NFIB: variants seen among roughly 807,000 people sequenced by gnomAD.
NFIB encodes the protein nuclear factor I B.
A neutral mutation model predicts 61.5 loss-of-function variants in NFIB; 11 were observed. That is an observed-to-expected ratio of 0.18 (90% confidence interval 0.11 to 0.30). NFIB has a LOEUF of 0.30. Ranked by LOEUF, NFIB falls within the 10% of genes least tolerant of loss-of-function variation. NFIB has a pLI of 1.00. For missense variants in NFIB, 471 were observed against 608.9 expected (o/e 0.77, Z 2.38); for synonymous variants, 260 against 216.5 (o/e 1.20, Z -1.76).
chr9:14,415,217 C>T, the NFIB span, among the ~76,000 whole-genome samples: 1 of 152,194 alleles, frequency 6.6e-6, no homozygotes, highest in Non-Finnish European at 1.5e-5. Flanking sequence ...TGATTAGAGA[C>T]TGCCCTCAGC....
At chr9:14,292,559 A>T (rs908758232) in intron 2 of NFIB, among the ~76,000 whole-genome samples, 2 of 152,224 alleles carry the variant, frequency 1.3e-5, no homozygotes, top group Admixed American at 6.5e-5. Context: ...AGGATGCTAG[A>T]GCTAACAGGG....
chr9:14,188,490 T>C (rs1208291531), intron 2 of NFIB, among the ~76,000 whole-genome samples: 1 of 152,192 alleles, frequency 6.6e-6, no homozygotes, highest in Non-Finnish European at 1.5e-5. Context: ...AACTAAAACA[T>C]TATTTATTCA....
At chr9:14,481,210 T>C in the NFIB span, among the ~76,000 whole-genome samples, 314 of 77,584 alleles carry the variant, frequency 4.0e-3, 22 homozygotes, top group African/African-American at 0.013. Flanking sequence ...TATATATATA[T>C]ATATATATAT....
chr9:14,107,319 AAAAC>A lies in NFIB; in HGVS notation c.1467+5676_1467+5679del, dbSNP rs552201499. ...GTTTCACATACAACACATGCAAAAAAAAACAAACAAACAAAAAAAAAAGATACTC... is the reference window on the plus strand; with the variant it reads ...GTTTCACATACAACACATGCAAAAAAAAACAAACAAAAAAAAAAGATACTC... On this transcript the variant is annotated intron_variant, in intron 10 of 10. Coordinates refer to ENST00000380953, the MANE Select transcript of NFIB (RefSeq NM_001190737.2). Among the ~76,000 whole-genome samples, 88 of 151,980 alleles carry A rather than the reference AAAAC, an allele frequency of 5.8e-4. No individual in the cohort carries two copies. The East Asian group carries it at 6.4e-3, about 11-fold the overall frequency.
intron 10 of NFIB, among the ~76,000 whole-genome samples, chr9:14,111,883 C>A (rs1367650554): frequency 6.6e-6 from 1 of 152,134 alleles, no homozygotes; most frequent in Non-Finnish European, 1.5e-5. Flanking sequence ...CTGAGCTCTG[C>A]ATGTGGTGAC....
At chr9:14,471,627 C>G in the NFIB span, among the ~76,000 whole-genome samples, 1 of 152,176 alleles carries the variant, frequency 6.6e-6, no homozygotes, top group African/African-American at 2.4e-5. Context: ...CTACATAGTT[C>G]CCTTTACCAG....
At position 14,320,405 on chromosome 9, in the gene NFIB, G is replaced by A. The variant is rs78274830; in HGVS notation, c.109-12885C>T. On this transcript the variant is annotated intron_variant, in intron 1 of 8. Transcript: ENST00000380934. ...TAGGCAGGAATCTGTAGTATATTGC[G>A]TCAGTGAGTTGGAGTGCTTGACCTT... 3.0e-3 allele frequency among the ~76,000 whole-genome samples: 450 copies of A among 152,248 alleles called. 2 individuals are homozygous for A. Among genetic ancestry groups the A allele is most frequent in the Non-Finnish European group, 4.6e-3 (311 of 68,030 alleles).
At chr9:14,301,594 C>A (rs2059755813) in intron 2 of NFIB, among the ~76,000 whole-genome samples, 1 of 152,066 alleles carries the variant, frequency 6.6e-6, no homozygotes. Context: ...TTCTCTCCCC[C>A]CACCCTTCCC....
the NFIB span, among the ~76,000 whole-genome samples, chr9:14,419,116 A>G: frequency 1.3e-4 from 20 of 151,734 alleles, no homozygotes; most frequent in Middle Eastern, 3.2e-3. Flanking sequence ...CAAACTGGGC[A>G]AAAAAATAGA....
At chr9:14,452,755 T>C in the NFIB span, among the ~76,000 whole-genome samples, 14 of 152,210 alleles carry the variant, frequency 9.2e-5, no homozygotes, top group Non-Finnish European at 1.5e-4. Flanking sequence ...GGCAGATGGT[T>C]ATCAAATGAT....
upstream of NFIB, chr9:14,314,179 T>C (rs1055846536): frequency 8.5e-5 from 1 of 11,828 alleles, no homozygotes; most frequent in Non-Finnish European, 1.5e-4. Flanking sequence ...AGGGCCGGGG[T>C]GGGGGCGGGG....
chr9:14,295,967 A>T (rs1278574012), intron 2 of NFIB, among the ~76,000 whole-genome samples: 1 of 152,250 alleles, frequency 6.6e-6, no homozygotes, highest in Non-Finnish European at 1.5e-5. Flanking sequence ...CCATACAATC[A>T]TTCTAATTTA....
At chr9:14,497,604 T>G in the NFIB span, among the ~76,000 whole-genome samples, 1 of 152,194 alleles carries the variant, frequency 6.6e-6, no homozygotes, top group Non-Finnish European at 1.5e-5. Flanking sequence ...ACTTTACAAA[T>G]TGCCTCATAA....
intron 2 of NFIB, among the ~76,000 whole-genome samples, chr9:14,208,827 T>C (rs773110896): frequency 1.3e-5 from 2 of 152,168 alleles, no homozygotes; most frequent in African/African-American, 4.8e-5. Context: ...AACTCCAGTA[T>C]TAAATTCATC....
At chr9:14,342,545 C>A (rs1314777101) in intron 1 of NFIB, among the ~76,000 whole-genome samples, 1 of 152,018 alleles carries the variant, frequency 6.6e-6, no homozygotes, top group African/African-American at 2.4e-5. Flanking sequence ...GGAAGGAAGG[C>A]TCGTTTATTG....
chr9:14,455,841 G>T, the NFIB span, among the ~76,000 whole-genome samples: 1 of 152,076 alleles, frequency 6.6e-6, no homozygotes, highest in South Asian at 2.1e-4. Flanking sequence ...TTCTAAAAAA[G>T]AATTATGAGA....
At chr9:14,168,376 C>T (rs1320913246) in intron 3 of NFIB, among the ~76,000 whole-genome samples, 1 of 152,160 alleles carries the variant, frequency 6.6e-6, no homozygotes, top group Non-Finnish European at 1.5e-5. Flanking sequence ...AATGCTAGTA[C>T]TGTAAAACAG....
At chr9:14,152,389 C>T (rs889538620) in intron 4 of NFIB, among the ~76,000 whole-genome samples, 8 of 152,026 alleles carry the variant, frequency 5.3e-5, no homozygotes, top group Non-Finnish European at 7.4e-5. Flanking sequence ...CCACAGTAAC[C>T]GCATGTTTTA....
At chr9:14,505,518 G>T in the NFIB span, among the ~76,000 whole-genome samples, 1 of 152,096 alleles carries the variant, frequency 6.6e-6, no homozygotes, top group Non-Finnish European at 1.5e-5. Context: ...CTGGTCTAGG[G>T]GTCACCCCCT....
Sources: allele counts gnomAD v4.1 joint callset (sites outside exome capture counted in the v4.1 genomes callset), GRCh38; gene constraint gnomAD v4.1.1; transcripts MANE v1.5; gene names NCBI Gene and HGNC (gene_info 2026-07-23, HGNC 2026-07-21).